GCSH: variants seen among roughly 807,000 people sequenced by gnomAD.
GCSH encodes the protein glycine cleavage system protein H.
Under a neutral mutation model 21.3 loss-of-function variants are expected in GCSH, and 15 were observed. That is an observed-to-expected ratio of 0.70 (90% CI 0.47 to 1.08). GCSH has a LOEUF of 1.08. Among genes scored for constraint, GCSH ranks in the 50% least tolerant of loss-of-function variants. GCSH has a pLI of 0.00. For synonymous variants in GCSH, 59 were observed against 84.5 expected (o/e 0.70, Z 1.66); for missense variants, 179 against 217.5 (o/e 0.82, Z 1.11).
intron 3 of GCSH, among the ~76,000 whole-genome samples, chr16:81,086,512 G>A (rs1007640133): frequency 5.3e-5 from 8 of 151,760 alleles, no homozygotes; most frequent in South Asian, 2.1e-4. Context: ...AGCCAATGTC[G>A]CACCATCGCA....
chr16:81,090,083 A>ACTTT (rs961915402), intron 2 of GCSH, among the ~76,000 whole-genome samples: 1 of 149,360 alleles, frequency 6.7e-6, no homozygotes, highest in Non-Finnish European at 1.5e-5. Context: ...TGGTTTTCTT[A>ACTTT]CTTTCTTTCT....
chr16:81,087,301 G>A (rs1410938350), intron 3 of GCSH, among the ~76,000 whole-genome samples: 3 of 152,054 alleles, frequency 2.0e-5, no homozygotes, highest in Non-Finnish European at 4.4e-5. Context: ...CAAGGCGGGC[G>A]GATCACTCGA....
intron 1 of GCSH, among the ~76,000 whole-genome samples, chr16:81,092,822 A>T (rs115085416): frequency 0.032 from 4,583 of 142,782 alleles, 186 homozygotes; most frequent in African/African-American, 0.1. Context: ...AAATATATAT[A>T]TTTTTCCCCT....
At chr16:81,087,296 CG>C (rs1319498768) in intron 3 of GCSH, among the ~76,000 whole-genome samples, 2 of 152,026 alleles carry the variant, frequency 1.3e-5, no homozygotes, top group African/African-American at 4.8e-5. Flanking sequence ...GAGGCCAAGG[CG>C]GGCGGATCAC....
rs886935655 is a variant in GCSH, at chr16:81,092,352, A to AT, written c.149-1673dup. On this transcript the variant is annotated intron_variant, in intron 1 of 4. Transcript: ENST00000315467. ...ACCAAGAAACAGCAAGGTTTATCTT[A>AT]TTTTCATTTGTTTTCCCAATTTTAA... 2.5e-4 allele frequency among the ~76,000 whole-genome samples: 38 copies of AT among 152,186 alleles called. 1 individual carries two copies. Among genetic ancestry groups the AT allele is most frequent in the African/African-American group, 8.7e-4 (36 of 41,534 alleles).
rs566700095 is a variant in GCSH, at chr16:81,086,515, C to A, written c.292+1086G>T. Reference sequence around the variant, plus strand: ...GAGGTTGCAGTGAGCCAATGTCGCACCATCGCATTCCAGCCTGGGCAACAG... The same window carrying A: ...GAGGTTGCAGTGAGCCAATGTCGCAACATCGCATTCCAGCCTGGGCAACAG... On this transcript the variant is annotated intron_variant, in intron 3 of 4. Transcript: ENST00000315467. Among the ~76,000 whole-genome samples, 6 of 152,068 alleles carry A rather than the reference C, an allele frequency of 3.9e-5. No individual in the cohort carries two copies. In the East Asian group the frequency reaches 9.7e-4, roughly 24 times the overall value.
At chr16:81,088,313 C>A (rs943603884) in intron 2 of GCSH, among the ~76,000 whole-genome samples, 1 of 152,172 alleles carries the variant, frequency 6.6e-6, no homozygotes, top group African/African-American at 2.4e-5. Flanking sequence ...TCAGGAGCTG[C>A]AAGAGACCAG....
At chr16:81,095,702 G>A (rs1972491613) in intron 1 of GCSH, among the ~76,000 whole-genome samples, 1 of 152,134 alleles carries the variant, frequency 6.6e-6, no homozygotes, top group Non-Finnish European at 1.5e-5. Flanking sequence ...TTACTTCGGA[G>A]TTCTCAGTAA....
chr16:81,092,827 T>C (rs2151773135), intron 1 of GCSH, among the ~76,000 whole-genome samples: 1 of 150,966 alleles, frequency 6.6e-6, no homozygotes, highest in East Asian at 2.0e-4. Context: ...TATATATTTT[T>C]CCCCTTAAAT....
At chr16:81,095,124 GT>G (rs1013849475) in intron 1 of GCSH, among the ~76,000 whole-genome samples, 9 of 150,804 alleles carry the variant, frequency 6.0e-5, no homozygotes, top group Non-Finnish European at 1.2e-4. Flanking sequence ...AAAGAAAATT[GT>G]TTTTCCCCTG....
intron 1 of GCSH, chr16:81,091,038 G>C: frequency 8.9e-6 from 4 of 450,364 alleles, no homozygotes; most frequent in Non-Finnish European, 1.7e-5. Context: ...CTGTGCCTCT[G>C]AAGACAAATT....
At chr16:81,090,777 C>T (rs566649146) in intron 1 of GCSH, 97 bp from the exon 2 acceptor site, 1 of 832,454 alleles carries the variant, frequency 1.2e-6, no homozygotes, top group East Asian at 2.5e-5. Context: ...CCCAGAATTT[C>T]TGTTTGACCT....
Position 81,096,131 on chromosome 16 carries a change from C to A in GCSH, c.148G>T (p.Val50Leu), listed in dbSNP as rs1165865715. ...TLRTGPALLS[V>L]RKFTEKHEWV... The stretch of plus-strand genomic sequence containing the variant: ...CCGCCCACGTGCCCGCCGCGCTTAC[C>A]CGAGAGCAGAGCGGGTCCAGTGCGC... Residue 50 changes from valine (V) to leucine (L), a missense_variant and splice_region_variant, in exon 1 of 5, where the codon GTG becomes TTG. Val to Leu is a conservative substitution (Grantham distance 32). Coordinates refer to ENST00000315467, the MANE Select transcript of GCSH (RefSeq NM_004483.5). 1.6e-6 allele frequency: 2 copies of A among 1,259,814 alleles called. No individual in the cohort carries two copies. Among genetic ancestry groups the A allele is most frequent in the Non-Finnish European group, 2.0e-6 (2 of 1,003,252 alleles). The allele number at this position is 1,259,814 out of a possible 1,614,324, so 78.0% of individuals were successfully genotyped here.
In GCSH at chr16:81,084,512, T is replaced by C. The variant is rs868224309; in HGVS notation, c.375A>G (p.Glu125=). The part of the protein sequence containing the change: ...PLSGEVTEIN[E]ALAENPGLVN... Reference sequence around the variant, plus strand: ...CAAGTCCTGGATTTTCTGCAAGAGCTTCATTAATTTCAGTTACTTCTCCTG... The same window carrying C: ...CAAGTCCTGGATTTTCTGCAAGAGCCTCATTAATTTCAGTTACTTCTCCTG... Residue 125 remains glutamate (E), a synonymous_variant, in exon 4 of 5, where the codon GAA becomes GAG. Coordinates refer to ENST00000315467, the MANE Select transcript of GCSH (RefSeq NM_004483.5). 3.1e-6 allele frequency: 5 copies of C among 1,605,282 alleles called. No homozygotes were observed. Among genetic ancestry groups the C allele is most frequent in the Middle Eastern group, 1.7e-4 (1 of 6,036 alleles).
intron 1 of GCSH, among the ~76,000 whole-genome samples, chr16:81,094,353 CT>C (rs553215632): frequency 2.0e-5 from 3 of 148,646 alleles, no homozygotes; most frequent in Non-Finnish European, 1.5e-5. Context: ...TTTTTCTTCT[CT>C]TTTTTTTTTG....
Position 81,096,367 on chromosome 16 carries a change from A to G in GCSH, c.-89T>C. 1.7e-6 allele frequency: 2 copies of G among 1,185,958 alleles called. No individual in the cohort carries two copies. Among genetic ancestry groups the G allele is most frequent in the Non-Finnish European group, 2.2e-6 (2 of 914,748 alleles). The allele number at this position is 1,185,958 out of a possible 1,614,324, so 73.5% of individuals were successfully genotyped here. On this transcript the variant is annotated 5_prime_UTR_variant, in exon 1 of 5. Transcript: ENST00000315467. ...GGAGGGGCAGTTCGCGGCCGGAGGG[A>G]GCCGGCTGGATGGAGGCGCGGAGGC... is the stretch of plus-strand genomic sequence containing the variant.
Position 81,087,647 on chromosome 16 carries a change from A to T in GCSH, c.246T>A (p.Val82=), listed in dbSNP as rs536733893. 6 of 1,611,734 alleles carry T rather than the reference A, an allele frequency of 3.7e-6. No individual in the cohort carries two copies. The African/African-American group carries it at 5.3e-5, about 14-fold the overall frequency. The change falls in exon 3 of 5, where the codon GTT becomes GTA. Residue 82 remains valine (V), a synonymous_variant. Coordinates refer to ENST00000315467, the MANE Select transcript of GCSH (RefSeq NM_004483.5). ...SNFAQEALGD[V]VYCSLPEVGT... ...CAACTTCAGGGAGACTACAATAAAC[A>T]ACATCTCCCAACGCTTCCTAAATAA...
intron 1 of GCSH, among the ~76,000 whole-genome samples, chr16:81,093,110 G>A (rs898292196): frequency 8.7e-5 from 12 of 137,438 alleles, no homozygotes; most frequent in African/African-American, 3.3e-4. Context: ...GGCGACTAGC[G>A]AAACTTCATC....
chr16:81,089,283 C>G (rs1166221420), intron 2 of GCSH, among the ~76,000 whole-genome samples: 1 of 152,180 alleles, frequency 6.6e-6, no homozygotes, highest in Non-Finnish European at 1.5e-5. Context: ...ATGAGCACTC[C>G]TCATCCAAGA....
Sources: gnomAD v4.1 joint callset for allele counts (sites outside exome capture counted in the v4.1 genomes callset) on GRCh38, gnomAD v4.1.1 for gene constraint, MANE v1.5 for transcripts, NCBI Gene and HGNC (gene_info 2026-07-23, HGNC 2026-07-21) for gene names.